Variants in UVSSA observed in about 807,000 individuals in gnomAD.
UVSSA encodes UV-stimulated scaffold protein A.
In UVSSA, 72 loss-of-function variants were observed where a neutral mutation model predicts 73.9. The ratio of observed to expected loss-of-function variants is 0.97; its 90% CI spans 0.81 to 1.19. The LOEUF (loss-of-function observed/expected upper bound fraction) is 1.19. UVSSA is among the 50% of genes most tolerant of loss of function. The pLI, the probability that UVSSA is intolerant of heterozygous loss-of-function variation, is 0.00. For synonymous variants in UVSSA, 454 were observed against 391.3 expected (o/e 1.16, Z -1.89); for missense variants, 1,150 against 965.0 (o/e 1.19, Z -2.54).
At chr4:1,375,567 C>T (rs1409111123) in intron 9 of UVSSA, 59 bp downstream of exon 9, 4 of 1,573,598 alleles carry the variant, frequency 2.5e-6, no homozygotes, top group Non-Finnish European at 3.4e-6. Context: ...AGCCTCTGCC[C>T]AGAGCACTGG....
intron 7 of UVSSA, among the ~76,000 whole-genome samples, chr4:1,357,771 T>TGCGGGCTCCTGCTGGCC (rs1716000843): frequency 6.6e-6 from 1 of 152,194 alleles, no homozygotes; most frequent in Non-Finnish European, 1.5e-5. Context: ...CTCTGCAGGC[T>TGCGGGCTCCTGCTGGCC]GCAGGCTCCT....
chr4:1,366,404 A>C lies in UVSSA; in HGVS notation c.1261A>C (p.Ile421Leu). 1 of 1,612,760 alleles carries C rather than the reference A, an allele frequency of 6.2e-7. No individual in the cohort carries two copies. The highest frequency in any genetic ancestry group is 8.5e-7 in the Non-Finnish European group (1 of 1,179,402). The change falls in exon 8 of 14, where the codon ATC (isoleucine) becomes CTC (leucine). Residue 421 changes from isoleucine (I) to leucine (L), a missense_variant. Transcript: ENST00000389851. ...VPEKEGYEPHIPDHLRPEYGL... is the reference protein window; with the variant it reads ...VPEKEGYEPHLPDHLRPEYGL... ...TGAGAAGGAGGGGTATGAGCCACAC[A>C]TCCCCGACCACTTGCGGCCTGAGTA...
intron 2 of UVSSA, 51 bp from the exon 3 acceptor site, chr4:1,349,473 G>C: frequency 6.4e-7 from 1 of 1,570,200 alleles, no homozygotes; most frequent in Non-Finnish European, 8.7e-7. Context: ...GTCTCCCCCC[G>C]CCCATCCTCT....
chr4:1,393,992 A>G (rs6599308), exon 14 of UVSSA: 153,748 of 208,284 alleles, frequency 0.74, 58,038 homozygotes, highest in African/African-American at 0.91. Flanking sequence ...CAGTTGATGC[A>G]TGGTGAGTGT....
At chr4:1,344,872 C>G (rs1213135671), upstream of UVSSA, among the ~76,000 whole-genome samples, 1 of 152,116 alleles carries the variant, frequency 6.6e-6, no homozygotes, top group African/African-American at 2.4e-5. Flanking sequence ...TGAGCAGTGG[C>G]TGGAAGGAGG....
chr4:1,388,896 GT>G (rs1439714526), downstream of UVSSA: 1 of 152,174 alleles, frequency 6.6e-6, no homozygotes, highest in African/African-American at 2.4e-5. Flanking sequence ...TTGGGCTGTA[GT>G]CTTTTTGTGA....
At position 1,353,406 on chromosome 4, in the gene UVSSA, C is replaced by T; in HGVS notation, c.927C>T (p.Leu309=). ...GSHKYTLDVE[L]CSEGLKVQEN... is the part of the protein sequence containing the mutation. The stretch of plus-strand genomic sequence containing the variant: ...ACAAGTACACGCTGGATGTGGAGCT[C>T]TGCTCAGGTAACTGCCTTCGCGGGG... Residue 309 remains leucine (L), a synonymous_variant, in exon 5 of 14, where the codon CTC becomes CTT. Transcript: ENST00000389851. The T allele has an allele frequency of 6.4e-7, 1 of 1,554,024 alleles. No homozygotes were observed. The highest frequency in any genetic ancestry group is 8.7e-7 in the Non-Finnish European group (1 of 1,148,576).
chr4:1,378,878 T>C (rs1719094359), intron 10 of UVSSA, among the ~76,000 whole-genome samples: 1 of 152,206 alleles, frequency 6.6e-6, no homozygotes, highest in Non-Finnish European at 1.5e-5. Flanking sequence ...CCTCTGCCTG[T>C]AGTGGGGCCA....
At chr4:1,385,004 C>G (rs1037620678) in intron 13 of UVSSA, 2 of 152,288 alleles carry the variant, frequency 1.3e-5, no homozygotes, top group African/African-American at 2.4e-5. Flanking sequence ...GCACCTTAGC[C>G]CTTGGAGCTC....
chr4:1,354,553 T>A, intron 5 of UVSSA, 182 bp from the exon 6 acceptor site: 1 of 604,146 alleles, frequency 1.7e-6, no homozygotes, highest in Non-Finnish European at 3.0e-6. Flanking sequence ...ACAGTGTTCT[T>A]TTCTAAGATA....
exon 14 of UVSSA, chr4:1,394,342 C>G (rs1027393323): frequency 1.5e-5 from 18 of 1,182,600 alleles, no homozygotes; most frequent in Non-Finnish European, 2.0e-5. Context: ...AATGCTCTTC[C>G]CCCTTAAAGA....
At chr4:1,379,574 C>T (rs1364466192) in intron 10 of UVSSA, among the ~76,000 whole-genome samples, 1 of 152,242 alleles carries the variant, frequency 6.6e-6, no homozygotes, top group Non-Finnish European at 1.5e-5. Context: ...ACGGCCTTCA[C>T]TCCTTCTCCT....
At position 1,388,012 on chromosome 4, in the gene UVSSA, T is replaced by C. The variant is rs533464420; in HGVS notation, c.*2051T>C. 10 of 152,154 alleles carry C rather than the reference T, an allele frequency of 6.6e-5. No individual in the cohort carries two copies. 9.4% of individuals were successfully genotyped at this position (152,154 alleles called of 1,614,324 possible). Reference sequence around the variant, plus strand: ...ATTAAATCTAGAGATTGCTTTGGAATGTATTACCGTCTTAATATTAAATCT... The same window carrying C: ...ATTAAATCTAGAGATTGCTTTGGAACGTATTACCGTCTTAATATTAAATCT... On this transcript the variant is annotated 3_prime_UTR_variant, in exon 14 of 14. Transcript: ENST00000389851.
At chr4:1,395,041 C>G (rs754282007) in exon 14 of UVSSA, 1 of 1,410,844 alleles carries the variant, frequency 7.1e-7, no homozygotes, top group South Asian at 1.2e-5. Context: ...TGTGGAGTGC[C>G]CGCCTGCTCA....
chr4:1,343,452 A>G (rs1713502330), upstream of UVSSA, among the ~76,000 whole-genome samples: 1 of 152,080 alleles, frequency 6.6e-6, no homozygotes, highest in East Asian at 1.9e-4. Context: ...TTCAGTCCAT[A>G]ACAAGGACTT....
intron 8 of UVSSA, among the ~76,000 whole-genome samples, chr4:1,368,653 C>G (rs908473129): frequency 6.6e-6 from 1 of 152,232 alleles, no homozygotes; most frequent in Admixed American, 6.5e-5. Context: ...GCAGGTACAC[C>G]GAGCCTCACA....
chr4:1,384,170 A>G (rs1719838478), intron 13 of UVSSA: 5 of 558,000 alleles, frequency 9.0e-6, no homozygotes, highest in Non-Finnish European at 1.6e-5. Context: ...TCCCCAGGAT[A>G]AGAGGGGCTC....
intron 11 of UVSSA, 116 bp from the exon 12 acceptor site, chr4:1,380,764 C>G (rs1459874694): frequency 6.4e-7 from 1 of 1,573,770 alleles, no homozygotes; most frequent in African/African-American, 1.4e-5. Flanking sequence ...TACACTTTGG[C>G]TCTGTGATAC....
chr4:1,369,913 G>A (rs986588784), intron 8 of UVSSA, among the ~76,000 whole-genome samples: 10 of 152,252 alleles, frequency 6.6e-5, no homozygotes, highest in African/African-American at 2.4e-4. Context: ...GCCGCGTTCG[G>A]CTGTGACGTG....
Sources: allele counts gnomAD v4.1 joint callset (sites outside exome capture counted in the v4.1 genomes callset), GRCh38; gene constraint gnomAD v4.1.1; transcripts MANE v1.5; gene names NCBI Gene and HGNC (gene_info 2026-07-23, HGNC 2026-07-21).